The following PNPT1 variants were observed in gnomAD, a reference collection of about 807,000 sequenced individuals.
PNPT1 encodes polyribonucleotide nucleotidyltransferase 1.
Under a neutral mutation model 119.5 loss-of-function variants are expected in PNPT1, and 53 were observed. The ratio of observed to expected loss-of-function variants is 0.44; its 90% CI spans 0.36 to 0.56. The LOEUF (loss-of-function observed/expected upper bound fraction) is 0.56. PNPT1 is among the 20% of genes least tolerant of loss of function. PNPT1 has a pLI of 0.00. For missense variants in PNPT1, 948 were observed against 938.5 expected, an observed-to-expected ratio of 1.01 and a Z score of -0.13; for synonymous variants, 357 against 322.1, an observed-to-expected ratio of 1.11 and a Z score of -1.16.
rs758915545 is a variant in PNPT1 at position 55,643,395 on chromosome 2, G to T, written c.1937C>A (p.Thr646Lys). The T allele has an allele frequency of 7.4e-6, 12 of 1,613,892 alleles. No homozygotes were observed. The highest frequency in any genetic ancestry group is 1.7e-5 in the Admixed American group (1 of 59,988). Residue 646 changes from threonine to lysine, a missense_variant, in exon 24 of 28, where the codon ACG (threonine) becomes AAG (lysine). Physicochemically the swap from Thr to Lys is moderately conservative, Grantham distance 78. Coordinates refer to ENST00000447944, the MANE Select transcript of PNPT1 (RefSeq NM_033109.5). Reference protein sequence around the residue: ...GVTISQVDEETFSVFAPTPSA... With the variant: ...GVTISQVDEEKFSVFAPTPSA... The stretch of plus-strand genomic sequence containing the variant: ...GGGTGTTGGTGCAAATACAGAAAAC[G>T]TTTCTTCATCCACCTGACTAATAGT...
intron 5 of PNPT1, among the ~76,000 whole-genome samples, chr2:55,681,130 G>T (rs1300159128): frequency 5.3e-5 from 8 of 152,196 alleles, no homozygotes; most frequent in African/African-American, 1.9e-4. Context: ...AAACAGGCCA[G>T]GCGTGGTGGC....
intron 11 of PNPT1, among the ~76,000 whole-genome samples, chr2:55,670,299 G>A (rs1696870352): frequency 6.6e-6 from 1 of 151,804 alleles, no homozygotes; most frequent in South Asian, 2.1e-4. Context: ...CCATTCTCCT[G>A]CCTCAGCCTC....
At chr2:55,660,023 G>C (rs1696513493) in intron 15 of PNPT1, 134 bp downstream of exon 15, 1 of 798,092 alleles carries the variant, frequency 1.3e-6, no homozygotes, top group Non-Finnish European at 1.8e-6. Context: ...AGGATGTCTT[G>C]AGCCTGGGAG....
intron 4 of PNPT1, 43 bp from the exon 5 acceptor site, chr2:55,683,877 T>G (rs1373748718): frequency 5.0e-6 from 8 of 1,590,984 alleles, no homozygotes; most frequent in Non-Finnish European, 6.0e-6. Context: ...ACTGACAGAG[T>G]TGCTTTACAG....
In PNPT1 at chr2:55,680,730, G is replaced by A. The variant is rs745631221; in HGVS notation, c.547C>T (p.Pro183Ser). The change falls in exon 7 of 28, where the codon CCT becomes TCT. Residue 183 changes from proline (P) to serine (S), a missense_variant. Pro to Ser is a moderately conservative substitution (Grantham distance 74). Transcript: ENST00000447944. ...ASVALSLSDI[P>S]WNGPVGAVRI... ...AACTTACCAACAGGTCCATTCCAAG[G>A]AATATCTGATAATGAGAGGGCTACG... The A allele has an allele frequency of 6.2e-7, 1 of 1,613,344 alleles. No homozygotes were observed. Among genetic ancestry groups the A allele is most frequent in the African/African-American group, 1.3e-5 (1 of 74,924 alleles).
chr2:55,651,007 G>A (rs1431819905), intron 18 of PNPT1, among the ~76,000 whole-genome samples: 8 of 143,130 alleles, frequency 5.6e-5, no homozygotes, highest in South Asian at 2.2e-4. Flanking sequence ...GCCTCTGCCC[G>A]GCCGCCCCTA....
intron 18 of PNPT1, 44 bp from the exon 19 acceptor site, chr2:55,647,497 G>T: frequency 7.1e-7 from 1 of 1,404,820 alleles, no homozygotes; most frequent in Non-Finnish European, 9.8e-7. Flanking sequence ...GTGTACATGA[G>T]CCTAAAACAA....
intron 18 of PNPT1, among the ~76,000 whole-genome samples, chr2:55,654,312 G>A (rs1313711432): frequency 6.6e-6 from 1 of 151,068 alleles, no homozygotes; most frequent in South Asian, 2.1e-4. Flanking sequence ...TGGCGTTTCA[G>A]ACCTGGGGAT....
At position 55,672,928 on chromosome 2, in the gene PNPT1, A is replaced by G. The variant is rs1292181884; in HGVS notation, c.831T>C (p.Phe277=). Residue 277 remains phenylalanine (F), a synonymous_variant, in exon 9 of 28, where the codon TTT becomes TTC. Transcript: ENST00000447944. ...ATTTCACAATCTCTGGCGAAGGGGTAAATAACTTCTGAGGTGTCCTCTTGG... is the reference window on the plus strand; with the variant it reads ...ATTTCACAATCTCTGGCGAAGGGGTGAATAACTTCTGAGGTGTCCTCTTGG... The part of the protein sequence containing the change: ...GVTKRTPQKL[F]TPSPEIVKYT... The G allele has an allele frequency of 1.9e-6, 3 of 1,609,028 alleles. No homozygotes were observed. The highest frequency in any genetic ancestry group is 2.7e-5 in the African/African-American group (2 of 74,626).
At chr2:55,650,655 T>G (rs1696148710) in intron 18 of PNPT1, among the ~76,000 whole-genome samples, 1 of 146,524 alleles carries the variant, frequency 6.8e-6, no homozygotes, top group African/African-American at 2.6e-5. Context: ...TCGTCTGAGA[T>G]GTGGGGAGCA....
At chr2:55,654,708 A>G (rs1696329042) in intron 18 of PNPT1, among the ~76,000 whole-genome samples, 192 bp downstream of exon 18, 1 of 152,182 alleles carries the variant, frequency 6.6e-6, no homozygotes, top group Non-Finnish European at 1.5e-5. Context: ...CTTATATTTT[A>G]TACTAACAGG....
intron 23 of PNPT1, among the ~76,000 whole-genome samples, chr2:55,644,128 A>G (rs1695918593): frequency 6.6e-6 from 1 of 152,168 alleles, no homozygotes; most frequent in African/African-American, 2.4e-5. Flanking sequence ...TGAATAAGGG[A>G]CAAAATCACA....
At chr2:55,637,651 C>A (rs757317602) in intron 26 of PNPT1, 52 bp from the exon 27 acceptor site, 1 of 1,386,904 alleles carries the variant, frequency 7.2e-7, no homozygotes, top group Non-Finnish European at 1.0e-6. Context: ...TATGTAGTGT[C>A]CATGGAAGTA....
rs374935154 is a variant in PNPT1 at position 55,681,844 on chromosome 2, C to CAA, written c.454-928_454-927dup. Among the ~76,000 whole-genome samples, 292 of 129,836 alleles carry CAA rather than the reference C, an allele frequency of 2.2e-3. 2 individuals carry two copies. Among genetic ancestry groups the CAA allele is most frequent in the South Asian group, 0.021 (81 of 3,944 alleles). The allele number at this position is 129,836 out of a possible 152,430, so 85.2% of individuals were successfully genotyped here. On this transcript the variant is annotated intron_variant, in intron 5 of 27. Transcript: ENST00000447944. ...GGGCAACAAGAGTGAAACTCCATTT[C>CAA]AAAAAAAAAAAAAAAGGCTGGGCGC...
At position 55,672,934 on chromosome 2, in the gene PNPT1, C is replaced by T. The variant is rs1313434716; in HGVS notation, c.825G>A (p.Lys275=). 1 of 1,611,890 alleles carries T rather than the reference C, an allele frequency of 6.2e-7. No homozygotes were observed. The highest frequency in any genetic ancestry group is 8.5e-7 in the Non-Finnish European group (1 of 1,179,532). Residue 275 remains lysine, a synonymous_variant, in exon 9 of 28, where the codon AAG becomes AAA. Transcript: ENST00000447944. ...ETGVTKRTPQ[K]LFTPSPEIVK... Reference sequence around the variant, plus strand: ...CAATCTCTGGCGAAGGGGTAAATAACTTCTGAGGTGTCCTCTTGGTAACAC... The same window carrying T: ...CAATCTCTGGCGAAGGGGTAAATAATTTCTGAGGTGTCCTCTTGGTAACAC...
At chr2:55,677,218 C>A (rs565498375) in intron 8 of PNPT1, among the ~76,000 whole-genome samples, 1 of 152,336 alleles carries the variant, frequency 6.6e-6, no homozygotes, top group African/African-American at 2.4e-5. Context: ...TCTCATTCTT[C>A]CCTCCTGTGA....
chr2:55,647,404 G>C lies in PNPT1; in HGVS notation c.1545C>G (p.Thr515=). 2 of 1,609,546 alleles carry C rather than the reference G, an allele frequency of 1.2e-6. No individual in the cohort carries two copies. Among genetic ancestry groups the C allele is most frequent in the Non-Finnish European group, 1.7e-6 (2 of 1,177,144 alleles). Residue 515 remains threonine, a synonymous_variant, in exon 19 of 28, where the codon ACC becomes ACG. Transcript: ENST00000447944. ...AVAGVAIGLV[T]KTDPEKGEIE... ...TTTCACCCTTCTCAGGATCGGTTTT[G>C]GTGACCAATCCTATTGCTACGCCTG...
chr2:55,679,933 C>T (rs1198167742), intron 7 of PNPT1, 138 bp from the exon 8 acceptor site: 4 of 619,444 alleles, frequency 6.5e-6, no homozygotes, highest in Non-Finnish European at 1.1e-5. Flanking sequence ...ATTTAAGACC[C>T]ACAGAACATC....
At position 55,635,993 on chromosome 2, in the gene PNPT1, G is replaced by T; in HGVS notation, c.*244C>A. On this transcript the variant is annotated 3_prime_UTR_variant, in exon 28 of 28. Coordinates refer to ENST00000447944, the MANE Select transcript of PNPT1 (RefSeq NM_033109.5). ...AACAAAACTATGTAATTTTTTCTAA[G>T]ATGTATAAATGACTTACTTTTAATA... 4.3e-6 allele frequency: 1 copy of T among 233,596 alleles called. No individual in the cohort carries two copies. Among genetic ancestry groups the T allele is most frequent in the Non-Finnish European group, 8.1e-6 (1 of 123,526 alleles). The allele number at this position is 233,596 out of a possible 1,614,324, so 14.5% of individuals were successfully genotyped here. A position where few individuals can be genotyped will look rare whatever the true frequency, so the allele number is the denominator to read the frequency against.
Sources: allele counts gnomAD v4.1 joint callset (sites outside exome capture counted in the v4.1 genomes callset), GRCh38; gene constraint gnomAD v4.1.1; transcripts MANE v1.5; gene names NCBI Gene and HGNC (gene_info 2026-07-23, HGNC 2026-07-21).